The following CSTPP1 variants were observed in gnomAD, a reference collection of about 807,000 sequenced individuals.
CSTPP1 encodes the protein UPF0705 protein C11orf49.
At chr11:47,022,904 C>A in the CSTPP1 span, among the ~76,000 whole-genome samples, 1 of 152,136 alleles carries the variant, frequency 6.6e-6, no homozygotes, top group East Asian at 1.9e-4. Flanking sequence ...CACTAGTTTA[C>A]AGAGAAAAAT....
At chr11:47,047,354 C>T in the CSTPP1 span, among the ~76,000 whole-genome samples, 2 of 152,136 alleles carry the variant, frequency 1.3e-5, no homozygotes, top group Non-Finnish European at 2.9e-5. Context: ...TATGAAGCCA[C>T]AGTAATTCAA....
the CSTPP1 span, among the ~76,000 whole-genome samples, chr11:47,128,656 G>A: frequency 6.6e-5 from 10 of 152,266 alleles, no homozygotes; most frequent in South Asian, 2.1e-4. Context: ...CCAAAGTGCC[G>A]GGATTACAAG....
chr11:47,157,611 C>A, the CSTPP1 span, among the ~76,000 whole-genome samples: 1 of 152,104 alleles, frequency 6.6e-6, no homozygotes, highest in Admixed American at 6.5e-5. Context: ...TTCCCACCCC[C>A]ACTCCCCACC....
At chr11:47,158,276 CAA>C in the CSTPP1 span, among the ~76,000 whole-genome samples, 2 of 152,168 alleles carry the variant, frequency 1.3e-5, no homozygotes, top group East Asian at 3.9e-4. Flanking sequence ...GATTATATAT[CAA>C]AGAGACCTGA....
the CSTPP1 span, among the ~76,000 whole-genome samples, chr11:47,121,510 A>G: frequency 4.6e-5 from 7 of 152,326 alleles, no homozygotes; most frequent in South Asian, 2.1e-4. Flanking sequence ...AGTTGATCCA[A>G]TCTATGACTT....
chr11:46,960,533 C>T, the CSTPP1 span, among the ~76,000 whole-genome samples: 1 of 152,258 alleles, frequency 6.6e-6, no homozygotes, highest in East Asian at 1.9e-4. Flanking sequence ...TTTATTGTGT[C>T]TGGCTTCTTT....
At chr11:46,941,686 A>G in the CSTPP1 span, among the ~76,000 whole-genome samples, 1 of 152,222 alleles carries the variant, frequency 6.6e-6, no homozygotes, top group Non-Finnish European at 1.5e-5. Context: ...CACTCCCTAC[A>G]GAATAGATTA....
the CSTPP1 span, among the ~76,000 whole-genome samples, chr11:46,952,755 C>T: frequency 1.3e-5 from 2 of 152,188 alleles, no homozygotes; most frequent in Non-Finnish European, 2.9e-5. Context: ...GTAAACATTT[C>T]CAATAATCAG....
the CSTPP1 span, among the ~76,000 whole-genome samples, chr11:46,996,205 C>T: frequency 1.3e-5 from 2 of 152,154 alleles, no homozygotes; most frequent in African/African-American, 4.8e-5. Context: ...GAATATAGCA[C>T]ACTGATGGGT....
At chr11:46,991,375 C>T in the CSTPP1 span, among the ~76,000 whole-genome samples, 2 of 152,032 alleles carry the variant, frequency 1.3e-5, no homozygotes, top group South Asian at 2.1e-4. Flanking sequence ...CATTTAGGTT[C>T]GTTGGAAAAA....
chr11:46,992,456 T>C, the CSTPP1 span, among the ~76,000 whole-genome samples: 1 of 145,386 alleles, frequency 6.9e-6, no homozygotes, highest in African/African-American at 2.5e-5. Flanking sequence ...TTTTCATTGT[T>C]CAATGCCCAC....
the CSTPP1 span, among the ~76,000 whole-genome samples, chr11:46,984,326 A>G: frequency 6.6e-6 from 1 of 152,236 alleles, no homozygotes; most frequent in Non-Finnish European, 1.5e-5. Flanking sequence ...TTGTAAAAAT[A>G]GAAGTCTAAG....
At chr11:47,064,826 C>T in the CSTPP1 span, among the ~76,000 whole-genome samples, 1 of 152,132 alleles carries the variant, frequency 6.6e-6, no homozygotes, top group African/African-American at 2.4e-5. Context: ...CTCACCGCAA[C>T]CTCCACCTCC....
chr11:47,128,330 A>T, the CSTPP1 span, among the ~76,000 whole-genome samples: 13 of 152,290 alleles, frequency 8.5e-5, no homozygotes, highest in Non-Finnish European at 1.2e-4. Context: ...AAAGTTGGCT[A>T]AAAAAGGCTT....
the CSTPP1 span, among the ~76,000 whole-genome samples, chr11:47,128,267 C>T: frequency 6.6e-6 from 1 of 152,148 alleles, no homozygotes; most frequent in Non-Finnish European, 1.5e-5. Flanking sequence ...TTTAAGGTAG[C>T]ACCTCAGGCC....
At chr11:46,991,146 G>A in the CSTPP1 span, among the ~76,000 whole-genome samples, 1 of 151,218 alleles carries the variant, frequency 6.6e-6, no homozygotes, top group Non-Finnish European at 1.5e-5. Flanking sequence ...AATCCTTATA[G>A]GCTTCCATTT....
the CSTPP1 span, among the ~76,000 whole-genome samples, chr11:46,938,024 G>A: frequency 6.6e-6 from 1 of 151,792 alleles, no homozygotes; most frequent in South Asian, 2.1e-4. Flanking sequence ...ACAGGCATGC[G>A]CCACCACGCC....
chr11:47,157,946 C>T, the CSTPP1 span: 2 of 1,592,458 alleles, frequency 1.3e-6, no homozygotes, highest in Middle Eastern at 1.7e-4. Context: ...AAGCAGCCGT[C>T]AGCCTCTCCT....
the CSTPP1 span, among the ~76,000 whole-genome samples, chr11:47,004,992 C>G: frequency 6.6e-6 from 1 of 152,216 alleles, no homozygotes; most frequent in African/African-American, 2.4e-5. Flanking sequence ...ACCAGACAAA[C>G]TGCAGCTTAC....
Sources: allele counts gnomAD v4.1 joint callset (sites outside exome capture counted in the v4.1 genomes callset), GRCh38; gene constraint gnomAD v4.1.1; transcripts MANE v1.5; gene names NCBI Gene and HGNC (gene_info 2026-07-23, HGNC 2026-07-21).